MCF2L2: variants seen among roughly 807,000 people sequenced by gnomAD.
The protein encoded by MCF2L2 is probable guanine nucleotide exchange factor MCF2L2.
In MCF2L2, 102 loss-of-function variants were observed where a neutral mutation model predicts 150.2. The ratio of observed to expected loss-of-function variants is 0.68; its 90% confidence interval spans 0.58 to 0.80. MCF2L2 has a LOEUF of 0.80. Among genes scored for constraint, MCF2L2 ranks in the 30% least tolerant of loss-of-function variants. The probability of loss-of-function intolerance (pLI) is 0.00; values close to 1 mark genes in which losing one functional copy is unlikely to be tolerated. For missense variants in MCF2L2, 1,256 were observed against 1,372.8 expected (o/e 0.91, Z 1.34); for synonymous variants, 465 against 491.3 (o/e 0.95, Z 0.71).
rs1002347958 is a variant in MCF2L2 at position 183,330,670 on chromosome 3, G to A, written c.487-7319C>T. On this transcript the variant is annotated intron_variant, in intron 5 of 29. Transcript: ENST00000328913. ...CTGATGTAAATTTTCAAAAACAAAT[G>A]AGAGGCAGTTTCCCCACATTTTTTT... Among the ~76,000 whole-genome samples, 8 of 152,224 alleles carry A rather than the reference G, an allele frequency of 5.3e-5. No individual in the cohort carries two copies. The East Asian group carries it at 1.3e-3, about 26-fold the overall frequency.
intron 9 of MCF2L2, 81 bp downstream of exon 9, chr3:183,310,834 C>T: frequency 2.2e-6 from 2 of 893,348 alleles, no homozygotes; most frequent in Non-Finnish European, 3.6e-6. Context: ...AGGGAAACCC[C>T]ATACCAAAGA....
At position 183,305,631 on chromosome 3, in the gene MCF2L2, A is replaced by C. The variant is rs1729060190; in HGVS notation, c.1113+4085T>G. On this transcript the variant is annotated intron_variant, in intron 10 of 29. Coordinates refer to ENST00000328913, the MANE Select transcript of MCF2L2 (RefSeq NM_015078.4). The surrounding 1 kb of genome is among the most constrained non-coding windows in gnomAD (Gnocchi z 4.1). ...TTTGGGAAGCCAAGGCCGGCGGATC[A>C]CAAGGTCAGGAGTTAGAGACCAGCC... Among the ~76,000 whole-genome samples, 1 of 152,230 alleles carries C rather than the reference A, an allele frequency of 6.6e-6. No homozygotes were observed. Among genetic ancestry groups the C allele is most frequent in the Admixed American group, 6.5e-5 (1 of 15,288 alleles).
chr3:183,206,214 G>C lies in MCF2L2; in HGVS notation c.2713C>G (p.Leu905Val). 7 of 1,611,298 alleles carry C rather than the reference G, an allele frequency of 4.3e-6. No individual in the cohort carries two copies. Among genetic ancestry groups the C allele is most frequent in the Non-Finnish European group, 5.9e-6 (7 of 1,177,440 alleles). The change falls in exon 24 of 30, where the codon CTG becomes GTG. Residue 905 changes from leucine to valine, a missense_variant and splice_region_variant. Leu to Val is a conservative substitution (Grantham distance 32). Coordinates refer to ENST00000328913, the MANE Select transcript of MCF2L2 (RefSeq NM_015078.4). ...PHYSFKKTMK[L>V]MTLSIRQLGR... ...AGCTGGCGAATTGAAAGTGTCATCA[G>C]CTATTATAAAGAGGGAAGAGAAATG...
intron 3 of MCF2L2, among the ~76,000 whole-genome samples, chr3:183,366,969 G>A (rs1471745598): frequency 1.3e-5 from 2 of 152,182 alleles, no homozygotes; most frequent in Non-Finnish European, 2.9e-5. Context: ...AGAAATGCCA[G>A]GTGAAAATGC....
At chr3:183,269,795 G>A (rs1294985880) in intron 15 of MCF2L2, 3 of 1,597,312 alleles carry the variant, frequency 1.9e-6, no homozygotes, top group Non-Finnish European at 1.7e-6. Context: ...AGACTTGAGT[G>A]GATATGAGAA....
chr3:183,307,177 T>C (rs1729138249), intron 10 of MCF2L2, among the ~76,000 whole-genome samples: 1 of 152,218 alleles, frequency 6.6e-6, no homozygotes, highest in African/African-American at 2.4e-5. Flanking sequence ...AGCCAGCGTG[T>C]GGCTGTGCTG....
chr3:183,288,585 A>T (rs912995147), intron 14 of MCF2L2, among the ~76,000 whole-genome samples: 1 of 151,408 alleles, frequency 6.6e-6, no homozygotes, highest in Admixed American at 6.6e-5. Flanking sequence ...AGTTTCAAGC[A>T]ATTTTCCTGC....
chr3:183,248,314 C>T (rs1011959104), intron 15 of MCF2L2, among the ~76,000 whole-genome samples: 1 of 151,896 alleles, frequency 6.6e-6, no homozygotes. Context: ...ATTAATTTAT[C>T]ATAGACTTTA....
intron 15 of MCF2L2, among the ~76,000 whole-genome samples, chr3:183,262,624 T>C (rs1725719722): frequency 6.6e-6 from 1 of 150,602 alleles, no homozygotes; most frequent in Admixed American, 6.6e-5. Context: ...AGGGAGCCCA[T>C]GAGGAGGCGG....
At chr3:183,385,263 G>A (rs774891574) in intron 2 of MCF2L2, among the ~76,000 whole-genome samples, 20 of 152,194 alleles carry the variant, frequency 1.3e-4, no homozygotes, top group Non-Finnish European at 1.8e-4. Context: ...GGCCCACACT[G>A]TATTTCTATT....
intron 3 of MCF2L2, among the ~76,000 whole-genome samples, chr3:183,352,702 C>G (rs1244679160): frequency 6.6e-6 from 1 of 152,126 alleles, no homozygotes; most frequent in East Asian, 1.9e-4. Context: ...ATCTGCAGAG[C>G]AACCAATGGC....
In MCF2L2 at chr3:183,415,189, AT is replaced by A. The variant is rs200764680; in HGVS notation, c.76+12712del. ...CTATTATGTTTAATAGTTGAACTGA[AT>A]TTTTTTTTTTTTGAGACGGAGTCTC... On this transcript the variant is annotated intron_variant, in intron 1 of 29. Coordinates refer to ENST00000328913, the MANE Select transcript of MCF2L2 (RefSeq NM_015078.4). Among the ~76,000 whole-genome samples the A allele has an allele frequency of 5.8e-4, 86 of 147,776 alleles. 1 individual carries two copies. The highest frequency in any genetic ancestry group is 3.8e-3 in the East Asian group (19 of 5,062).
intron 27 of MCF2L2, 121 bp downstream of exon 27, chr3:183,192,873 CTTTCT>C: frequency 1.5e-6 from 1 of 663,744 alleles, no homozygotes; most frequent in Non-Finnish European, 2.6e-6. Context: ...TGGTAAAATG[CTTTCT>C]TTTTTCTCCC....
intron 10 of MCF2L2, among the ~76,000 whole-genome samples, chr3:183,301,406 C>G (rs896118629): frequency 6.6e-6 from 1 of 152,104 alleles, no homozygotes; most frequent in African/African-American, 2.4e-5. Context: ...GTGGGGAGGG[C>G]AGGGAGTGCT....
At chr3:183,373,483 C>T (rs568272629) in intron 3 of MCF2L2, 1 of 149,906 alleles carries the variant, frequency 6.7e-6, no homozygotes, top group South Asian at 2.1e-4. Context: ...CTCCAACTTT[C>T]AATTTCTGCA....
intron 10 of MCF2L2, among the ~76,000 whole-genome samples, chr3:183,304,557 C>T (rs896001609): frequency 2.0e-5 from 3 of 149,458 alleles, no homozygotes; most frequent in Non-Finnish European, 4.4e-5. Flanking sequence ...ATTCTGCCTC[C>T]GGGGTTCAAG....
At chr3:183,420,584 G>GCA (rs1157742105) in intron 1 of MCF2L2, among the ~76,000 whole-genome samples, 5 of 152,166 alleles carry the variant, frequency 3.3e-5, no homozygotes, top group Non-Finnish European at 7.3e-5. Flanking sequence ...GGGCGACAGA[G>GCA]CAAGACTCCA....
intron 1 of MCF2L2, among the ~76,000 whole-genome samples, chr3:183,419,920 C>T (rs945525861): frequency 3.9e-5 from 6 of 152,148 alleles, no homozygotes; most frequent in Admixed American, 3.9e-4. Flanking sequence ...TTTCTTCTGC[C>T]AGATACCCTA....
chr3:183,402,901 TA>T (rs1452098509), intron 1 of MCF2L2, among the ~76,000 whole-genome samples: 1 of 148,424 alleles, frequency 6.7e-6, no homozygotes, highest in African/African-American at 2.5e-5. Flanking sequence ...AAAAGTTGTG[TA>T]AAAAAATAAA....
Sources: gnomAD v4.1 joint callset for allele counts (sites outside exome capture counted in the v4.1 genomes callset) on GRCh38, gnomAD v4.1.1 for gene constraint, Gnocchi (gnomAD v3.1) non-coding constraint, MANE v1.5 for transcripts, NCBI Gene and HGNC (gene_info 2026-07-23, HGNC 2026-07-21) for gene names.